The following TAF4B variants were observed in gnomAD, a reference collection of about 807,000 sequenced individuals.
The protein encoded by TAF4B is transcription initiation factor TFIID subunit 4B.
Under a neutral mutation model 86.4 loss-of-function variants are expected in TAF4B, and 38 were observed. The ratio of observed to expected loss-of-function variants is 0.44; its 90% CI spans 0.34 to 0.58. TAF4B has a LOEUF of 0.58. Ranked by LOEUF, TAF4B falls within the 20% of genes least tolerant of loss-of-function variation. The pLI, the probability that TAF4B is intolerant of heterozygous loss-of-function variation, is 0.02. For synonymous variants in TAF4B, 388 were observed against 391.2 expected, an observed-to-expected ratio of 0.99 and a Z score of 0.10; for missense variants, 988 against 1,027.6, an observed-to-expected ratio of 0.96 and a Z score of 0.53.
intron 1 of TAF4B, among the ~76,000 whole-genome samples, chr18:26,244,914 C>T (rs764173092): frequency 1.6e-4 from 24 of 152,104 alleles, no homozygotes; most frequent in South Asian, 1.0e-3. Flanking sequence ...TTGAGAGTTC[C>T]GCTCACTGCT....
intron 5 of TAF4B, among the ~76,000 whole-genome samples, chr18:26,279,103 A>G (rs2056416222): frequency 6.6e-6 from 1 of 152,152 alleles, no homozygotes; most frequent in South Asian, 2.1e-4. Flanking sequence ...CACTGATGAT[A>G]TGATTCTATG....
intron 1 of TAF4B, among the ~76,000 whole-genome samples, chr18:26,234,258 G>A (rs535911687): frequency 4.3e-4 from 65 of 152,290 alleles, no homozygotes; most frequent in African/African-American, 1.5e-3. Context: ...TCTGCCTGAC[G>A]GTTTCCTTCT....
At chr18:26,331,118 C>T (rs928301524) in intron 12 of TAF4B, among the ~76,000 whole-genome samples, 11 of 152,166 alleles carry the variant, frequency 7.2e-5, no homozygotes, top group Admixed American at 7.2e-4. Context: ...ACATTGACAC[C>T]CACTGCACTG....
At chr18:26,365,425 A>G (rs2144324333) in intron 14 of TAF4B, among the ~76,000 whole-genome samples, 1 of 152,336 alleles carries the variant, frequency 6.6e-6, no homozygotes, top group East Asian at 1.9e-4. Context: ...AGCAGGCAGC[A>G]GAAGCTTCCG....
intron 12 of TAF4B, among the ~76,000 whole-genome samples, chr18:26,328,566 C>T (rs564626889): frequency 1.3e-4 from 20 of 152,072 alleles, no homozygotes; most frequent in Non-Finnish European, 2.1e-4. Flanking sequence ...GTCCCCTTTC[C>T]CAGATCCCCC....
intron 1 of TAF4B, among the ~76,000 whole-genome samples, chr18:26,252,390 C>G (rs1453097811): frequency 6.6e-6 from 1 of 152,108 alleles, no homozygotes; most frequent in Non-Finnish European, 1.5e-5. Flanking sequence ...TTGATTACTT[C>G]TAATAGTTTT....
At chr18:26,302,605 C>T (rs1015538620) in intron 9 of TAF4B, among the ~76,000 whole-genome samples, 2 of 151,926 alleles carry the variant, frequency 1.3e-5, no homozygotes, top group African/African-American at 4.8e-5. Flanking sequence ...TCAAGTGATC[C>T]TCCTGCCGCA....
At position 26,390,308 on chromosome 18, in the gene TAF4B, T is replaced by A. The variant is rs1978630906; in HGVS notation, c.*296T>A. On this transcript the variant is annotated 3_prime_UTR_variant, in exon 15 of 15. Transcript: ENST00000269142. ...AAGGCCCTATTTGTTACTACCTGCC[T>A]CATTTGCCAAATTGTAGCAGGTGAG... 3.9e-6 allele frequency: 1 copy of A among 253,408 alleles called. No homozygotes were observed. 15.7% of individuals were successfully genotyped at this position (253,408 alleles called of 1,614,324 possible).
chr18:26,389,355 T>C (rs1978568535), intron 14 of TAF4B, among the ~76,000 whole-genome samples: 1 of 152,202 alleles, frequency 6.6e-6, no homozygotes, highest in Admixed American at 6.5e-5. Flanking sequence ...CATGGCCTGG[T>C]GGGATCTGAA....
intron 14 of TAF4B, among the ~76,000 whole-genome samples, chr18:26,359,589 A>C (rs1207465347): frequency 6.6e-6 from 1 of 152,194 alleles, no homozygotes; most frequent in African/African-American, 2.4e-5. Context: ...TATATCTGAA[A>C]TGGTTGACTG....
intron 14 of TAF4B, among the ~76,000 whole-genome samples, chr18:26,379,787 A>G (rs890224829): frequency 3.9e-5 from 6 of 152,132 alleles, no homozygotes; most frequent in Non-Finnish European, 7.4e-5. Context: ...GAGAATTTAC[A>G]TCTTAGCAAT....
intron 6 of TAF4B, among the ~76,000 whole-genome samples, chr18:26,284,693 C>T (rs2056489106): frequency 6.6e-6 from 1 of 152,084 alleles, no homozygotes; most frequent in South Asian, 2.1e-4. Context: ...GCCTGGCCAA[C>T]ATGGCTGTCT....
intron 7 of TAF4B, among the ~76,000 whole-genome samples, chr18:26,287,392 C>CT (rs779443583): frequency 5.9e-5 from 9 of 152,080 alleles, no homozygotes; most frequent in Non-Finnish European, 1.0e-4. Flanking sequence ...CAGAATAGTC[C>CT]TTTGTTTTGT....
intron 14 of TAF4B, among the ~76,000 whole-genome samples, chr18:26,386,944 A>G (rs913475759): frequency 6.6e-6 from 1 of 152,250 alleles, no homozygotes; most frequent in Non-Finnish European, 1.5e-5. Flanking sequence ...AAAATCTCAT[A>G]TAAAACACCA....
intron 12 of TAF4B, among the ~76,000 whole-genome samples, chr18:26,327,726 C>T (rs140307700): frequency 5.7e-4 from 87 of 152,206 alleles, no homozygotes; most frequent in African/African-American, 1.1e-3. Context: ...CCTGCCACCA[C>T]GCCTGGCTAA....
At chr18:26,269,347 G>A (rs2056284423) in intron 3 of TAF4B, among the ~76,000 whole-genome samples, 1 of 152,140 alleles carries the variant, frequency 6.6e-6, no homozygotes, top group South Asian at 2.1e-4. Flanking sequence ...GATTCAATGA[G>A]TATGCTGAGT....
intron 13 of TAF4B, among the ~76,000 whole-genome samples, chr18:26,339,798 G>A (rs2057122477): frequency 6.6e-6 from 1 of 152,174 alleles, no homozygotes; most frequent in South Asian, 2.1e-4. Context: ...ATTTTGTAGA[G>A]CTATTTGTCT....
intron 14 of TAF4B, among the ~76,000 whole-genome samples, chr18:26,376,012 A>G (rs536042195): frequency 9.9e-4 from 151 of 152,270 alleles, no homozygotes; most frequent in African/African-American, 3.5e-3. Context: ...CTCAGTTGAT[A>G]GTAGATATAT....
At chr18:26,280,687 A>AC in intron 5 of TAF4B, among the ~76,000 whole-genome samples, 1 of 152,214 alleles carries the variant, frequency 6.6e-6, no homozygotes, top group South Asian at 2.1e-4. Flanking sequence ...GCGAACACTT[A>AC]TACGCTGTTG....
Sources: allele counts gnomAD v4.1 joint callset (sites outside exome capture counted in the v4.1 genomes callset), GRCh38; gene constraint gnomAD v4.1.1; transcripts MANE v1.5; gene names NCBI Gene and HGNC (gene_info 2026-07-23, HGNC 2026-07-21).